The following ADGRV1 variants were observed in gnomAD, a reference collection of about 807,000 sequenced individuals.
The protein encoded by ADGRV1 is adhesion G protein-coupled receptor V1, also known as G-protein coupled receptor 98.
In ADGRV1, 359 loss-of-function variants were observed where a neutral mutation model predicts 596.2. The observed-to-expected ratio is 0.60, with a 90% CI of 0.55 to 0.66. The LOEUF (loss-of-function observed/expected upper bound fraction) is 0.66, where lower values mean the gene tolerates loss of function less well. ADGRV1 is among the 30% of genes least tolerant of loss of function. The pLI is 0.00. For missense variants in ADGRV1, 7,274 were observed against 7,575.6 expected (o/e 0.96, Z 1.48); for synonymous variants, 2,681 against 2,679.2 (o/e 1.00, Z -0.02).
rs200503628 is a variant in ADGRV1 at position 90,711,275 on chromosome 5, C to T, written c.8995C>T (p.Gln2999Ter). ...CCATGTTTCCTTATTTGTGTATGCTCAGAATTTGGAAGCACAAGTGGGGCT... is the reference window on the plus strand; with the variant it reads ...CCATGTTTCCTTATTTGTGTATGCTTAGAATTTGGAAGCACAAGTGGGGCT... ...LGHVSLFVYA[Q>*]NLEAQVGLDY... The change falls in exon 41 of 90, where the codon CAG becomes TAG. Residue 2999 changes from glutamine (Q) to a stop codon, truncating the protein, a stop_gained. Transcript: ENST00000405460. LOFTEE classifies it high-confidence loss of function. 1 of 1,613,088 alleles carries T rather than the reference C, an allele frequency of 6.2e-7. No homozygotes were observed. The highest frequency in any genetic ancestry group is 8.5e-7 in the Non-Finnish European group (1 of 1,179,348).
chr5:90,726,121 C>T (rs1486728465), intron 48 of ADGRV1, among the ~76,000 whole-genome samples: 2 of 152,188 alleles, frequency 1.3e-5, no homozygotes, highest in African/African-American at 4.8e-5. Flanking sequence ...TCAGCTAATT[C>T]CCTTGTTGAA....
chr5:90,577,664 G>T (rs1251949831), intron 1 of ADGRV1, among the ~76,000 whole-genome samples: 4 of 152,192 alleles, frequency 2.6e-5, no homozygotes, highest in African/African-American at 9.7e-5. Flanking sequence ...AAAGTCAGTG[G>T]TAGCTTGATG....
chr5:91,058,187 G>T (rs942453429), intron 85 of ADGRV1, among the ~76,000 whole-genome samples: 1 of 152,206 alleles, frequency 6.6e-6, no homozygotes, highest in African/African-American at 2.4e-5. Context: ...GGCCTCAGAA[G>T]TCCTTGCACT....
At chr5:90,867,230 T>C (rs2150477624) in intron 83 of ADGRV1, among the ~76,000 whole-genome samples, 1 of 152,300 alleles carries the variant, frequency 6.6e-6, no homozygotes. Context: ...AAGATAGAAC[T>C]GTATTTACTC....
At chr5:90,952,179 G>A (rs1359260744) in intron 83 of ADGRV1, among the ~76,000 whole-genome samples, 5 of 152,102 alleles carry the variant, frequency 3.3e-5, no homozygotes, top group Admixed American at 3.3e-4. Flanking sequence ...TGCCAAGATA[G>A]TGCCTCCACT....
chr5:90,637,704 C>T, intron 10 of ADGRV1, 21 bp from the exon 11 acceptor site: 1 of 1,500,682 alleles, frequency 6.7e-7, no homozygotes, highest in Non-Finnish European at 9.0e-7. Flanking sequence ...AGAAATTGTT[C>T]TGTTCTTTTC....
chr5:90,646,978 T>A (rs968800356), intron 16 of ADGRV1, among the ~76,000 whole-genome samples: 4 of 152,218 alleles, frequency 2.6e-5, no homozygotes, highest in African/African-American at 7.2e-5. Context: ...TTCACTATGT[T>A]GGCCAGGATG....
chr5:90,958,009 A>G (rs563287086), intron 83 of ADGRV1, among the ~76,000 whole-genome samples: 1 of 152,162 alleles, frequency 6.6e-6, no homozygotes, highest in African/African-American at 2.4e-5. Context: ...TTAATAACAA[A>G]CTAAAATAAA....
Position 90,627,313 on chromosome 5 carries a change from A to G in ADGRV1, c.775A>G (p.Asn259Asp). 2 of 1,613,356 alleles carry G rather than the reference A, an allele frequency of 1.2e-6. No individual in the cohort carries two copies. Among genetic ancestry groups the G allele is most frequent in the Non-Finnish European group, 1.7e-6 (2 of 1,179,412 alleles). ...TTCCATTGAGATCATCATTAAGAAA[A>G]ATGATAGTCCCGTGAGATTCCTTCA... ...RNSIEIIIKK[N>D]DSPVRFLQSI... The change falls in exon 7 of 90, where the codon AAT (asparagine) becomes GAT (aspartate). Residue 259 changes from asparagine (N) to aspartate (D), a missense_variant. By Grantham distance (23) the Asn-to-Asp change is conservative. Around this residue, in one of 5 missense-constraint regions of ADGRV1, gnomAD observed 1,715 missense variants for 1,708.8 expected, o/e 1.00. Transcript: ENST00000405460.
chr5:91,000,100 G>C (rs1310807577), intron 85 of ADGRV1, among the ~76,000 whole-genome samples: 1 of 152,016 alleles, frequency 6.6e-6, no homozygotes, highest in Non-Finnish European at 1.5e-5. Flanking sequence ...TCATCATTCA[G>C]ATATAAACAC....
chr5:90,895,781 G>A (rs1771254941), intron 83 of ADGRV1, among the ~76,000 whole-genome samples: 1 of 152,216 alleles, frequency 6.6e-6, no homozygotes, highest in Admixed American at 6.5e-5. Context: ...GAGATACAGT[G>A]TAACAGGGAG....
In ADGRV1 at chr5:90,694,637, T is replaced by C; in HGVS notation, c.7881T>C (p.Val2627=). The C allele has an allele frequency of 6.2e-7, 1 of 1,613,398 alleles. No homozygotes were observed. The highest frequency in any genetic ancestry group is 2.2e-5 in the East Asian group (1 of 44,870). ...AAGTGGCAGTCGAATGGCGTGTTGTTGGTGGAACAGCTACTGAAGGTTTAG... is the reference window on the plus strand; with the variant it reads ...AAGTGGCAGTCGAATGGCGTGTTGTCGGTGGAACAGCTACTGAAGGTTTAG... The part of the protein sequence containing the change: ...LGQVAVEWRV[V]GGTATEGLDF... Residue 2627 remains valine, a synonymous_variant, in exon 33 of 90, where the codon GTT becomes GTC. Coordinates refer to ENST00000405460, the MANE Select transcript of ADGRV1 (RefSeq NM_032119.4).
chr5:90,985,687 C>T (rs1780432010), intron 85 of ADGRV1, among the ~76,000 whole-genome samples, 165 bp downstream of exon 85: 1 of 152,102 alleles, frequency 6.6e-6, no homozygotes, highest in African/African-American at 2.4e-5. Context: ...GAAGCTGTGG[C>T]CTCTCAAGTT....
At chr5:90,631,916 C>G (rs1052438053) in intron 9 of ADGRV1, among the ~76,000 whole-genome samples, 2 of 152,104 alleles carry the variant, frequency 1.3e-5, no homozygotes, top group Non-Finnish European at 1.5e-5. Flanking sequence ...AATTTGTTTG[C>G]TTTTAAAAAT....
rs1792751114 is a variant in ADGRV1, at chr5:91,115,274, C to T, written c.18432+12934C>T. 3.3e-5 allele frequency among the ~76,000 whole-genome samples: 5 copies of T among 152,228 alleles called. No homozygotes were observed. In the South Asian group the frequency reaches 1.0e-3, roughly 32 times the overall value. On this transcript the variant is annotated intron_variant, in intron 87 of 89. Transcript: ENST00000405460. ...TCTGATATACACTACTCCATCAGAG[C>T]CAGCAACAAAAATCTCAATACATTT...
intron 83 of ADGRV1, among the ~76,000 whole-genome samples, chr5:90,897,388 A>G (rs1442804014): frequency 6.6e-6 from 1 of 152,130 alleles, no homozygotes; most frequent in Admixed American, 6.5e-5. Flanking sequence ...CACCAGCTAT[A>G]AAATTTGAAT....
At chr5:91,066,632 T>G (rs138640274) in intron 85 of ADGRV1, among the ~76,000 whole-genome samples, 4 of 152,300 alleles carry the variant, frequency 2.6e-5, no homozygotes, top group African/African-American at 9.6e-5. Context: ...TCCCAGCTCC[T>G]CTCCATGGAC....
intron 84 of ADGRV1, among the ~76,000 whole-genome samples, chr5:90,975,185 A>T (rs1013938263): frequency 5.3e-5 from 8 of 151,734 alleles, no homozygotes; most frequent in African/African-American, 1.7e-4. Flanking sequence ...GGTGATCATT[A>T]AGAAGTCAGG....
At position 90,756,606 on chromosome 5, in the gene ADGRV1, A is replaced by G. The variant is rs763329922; in HGVS notation, c.11733A>G (p.Gly3911=). ...IMIEENDDPR[G]IFMFHVTRGA... ...TAGAAGAAAATGACGATCCCAGAGG[A>G]ATTTTTATGTTTCATGTTACTAGAG... Residue 3911 remains glycine, a synonymous_variant, in exon 56 of 90, where the codon GGA becomes GGG. Transcript: ENST00000405460. The G allele has an allele frequency of 2.5e-6, 4 of 1,613,558 alleles. No homozygotes were observed. In the Admixed American group the frequency reaches 6.7e-5, roughly 27 times the overall value.
Sources: gnomAD v4.1 joint callset for allele counts (sites outside exome capture counted in the v4.1 genomes callset) on GRCh38, gnomAD v4.1.1 for gene constraint, gnomAD v4.1.1 regional missense constraint, MANE v1.5 for transcripts, NCBI Gene and HGNC (gene_info 2026-07-23, HGNC 2026-07-21) for gene names.